PDZD2: variants seen among roughly 807,000 people sequenced by gnomAD.
PDZD2 encodes the protein PDZ domain-containing protein 2.
In PDZD2, 90 loss-of-function variants were observed where a neutral mutation model predicts 220.7. That is an observed-to-expected ratio of 0.41 (90% CI 0.34 to 0.49). The LOEUF (loss-of-function observed/expected upper bound fraction) is 0.49. Ranked by LOEUF, PDZD2 falls within the 20% of genes least tolerant of loss-of-function variation. The probability of loss-of-function intolerance (pLI) is 0.28; values close to 1 mark genes in which losing one functional copy is unlikely to be tolerated. For synonymous variants in PDZD2, 1,375 were observed against 1,450.5 expected (o/e 0.95, Z 1.18); for missense variants, 3,174 against 3,608.5 (o/e 0.88, Z 3.08).
Position 31,883,023 on chromosome 5 carries a change from C to CAAAAAAAAA in PDZD2, c.476+83316_476+83324dup, listed in dbSNP as rs781370177. Among the ~76,000 whole-genome samples the CAAAAAAAAA allele has an allele frequency of 2.1e-4, 10 of 47,960 alleles. 1 individual carries two copies. The highest frequency in any genetic ancestry group is 7.6e-4 in the African/African-American group (10 of 13,206). The allele number at this position is 47,960 out of a possible 152,430, so 31.5% of individuals were successfully genotyped here. On this transcript the variant is annotated intron_variant, in intron 2 of 24. Transcript: ENST00000438447. ...CCATCCTGGGTGACAGACTCTGTCT[C>CAAAAAAAAA]AAAAAAAAAAAAAAAAAAAAAAAAA...
intron 2 of PDZD2, among the ~76,000 whole-genome samples, chr5:31,963,899 A>G (rs889581613): frequency 6.6e-6 from 1 of 152,114 alleles, no homozygotes; most frequent in Non-Finnish European, 1.5e-5. Flanking sequence ...TCTCAATGCC[A>G]TGATGTAGGC....
intron 2 of PDZD2, among the ~76,000 whole-genome samples, chr5:31,801,510 C>G (rs1313341671): frequency 2.6e-5 from 4 of 152,104 alleles, no homozygotes; most frequent in African/African-American, 9.7e-5. Context: ...GAGCCCCTAC[C>G]GTTTGCAGCT....
intron 1 of PDZD2, among the ~76,000 whole-genome samples, chr5:31,791,070 A>G (rs1363070761): frequency 1.3e-5 from 2 of 152,110 alleles, no homozygotes; most frequent in East Asian, 3.9e-4. Context: ...TCTGCTGGGT[A>G]ATCACATTTT....
At chr5:31,811,553 G>A (rs115466558) in intron 2 of PDZD2, among the ~76,000 whole-genome samples, 1,811 of 152,306 alleles carry the variant, frequency 0.012, 27 homozygotes, top group African/African-American at 0.039. Flanking sequence ...CAGCCCTTAG[G>A]CTGGACTATA....
intron 2 of PDZD2, among the ~76,000 whole-genome samples, chr5:31,838,868 A>T (rs1757102052): frequency 6.6e-6 from 1 of 152,154 alleles, no homozygotes; most frequent in African/African-American, 2.4e-5. Context: ...CCTCCACATC[A>T]ATCCTGTTGT....
chr5:31,916,849 G>C (rs999027273), intron 2 of PDZD2, among the ~76,000 whole-genome samples: 4 of 152,200 alleles, frequency 2.6e-5, no homozygotes, highest in African/African-American at 4.8e-5. Context: ...TCACTTGAGT[G>C]AGTGTGAGCC....
intron 2 of PDZD2, among the ~76,000 whole-genome samples, chr5:31,921,701 T>G (rs1213112398): frequency 3.3e-5 from 5 of 151,528 alleles, no homozygotes; most frequent in Admixed American, 6.6e-5. Flanking sequence ...AAAAAAAAAT[T>G]TTTTTTTTGA....
chr5:32,061,600 A>C (rs1739695138), intron 14 of PDZD2, among the ~76,000 whole-genome samples: 1 of 152,202 alleles, frequency 6.6e-6, no homozygotes, highest in Non-Finnish European at 1.5e-5. Context: ...AGTTTCAGTG[A>C]ATTTTAAACT....
chr5:31,807,453 T>C (rs1754806017), intron 2 of PDZD2, among the ~76,000 whole-genome samples: 1 of 152,150 alleles, frequency 6.6e-6, no homozygotes, highest in African/African-American at 2.4e-5. Flanking sequence ...ATGGTAGCTG[T>C]TCAGCCAGAG....
chr5:31,967,405 G>A (rs1250972103), intron 2 of PDZD2, among the ~76,000 whole-genome samples: 5 of 152,252 alleles, frequency 3.3e-5, no homozygotes, highest in East Asian at 3.9e-4. Context: ...TTACTGGCCC[G>A]TTGTGACCTG....
intron 2 of PDZD2, among the ~76,000 whole-genome samples, chr5:31,901,552 C>T (rs6863437): frequency 0.62 from 94,160 of 152,020 alleles, 30,117 homozygotes; most frequent in Middle Eastern, 0.74. Flanking sequence ...ACATACACTG[C>T]TGGGGAGTCC....
intron 2 of PDZD2, among the ~76,000 whole-genome samples, chr5:31,803,408 C>T (rs964147133): frequency 8.6e-5 from 13 of 151,636 alleles, no homozygotes; most frequent in Admixed American, 7.9e-4. Context: ...CATGGGGCTC[C>T]ATAGGCTTTA....
At chr5:31,722,071 C>T (rs748084266) in intron 1 of PDZD2, among the ~76,000 whole-genome samples, 50 of 152,296 alleles carry the variant, frequency 3.3e-4, no homozygotes, top group Middle Eastern at 6.8e-3. Context: ...TGCACTGCTT[C>T]CATCCCCAAG....
At chr5:31,694,348 C>T (rs1303579225) in intron 1 of PDZD2, among the ~76,000 whole-genome samples, 5 of 151,996 alleles carry the variant, frequency 3.3e-5, no homozygotes, top group Non-Finnish European at 5.9e-5. Context: ...GCCAAGATTG[C>T]GTCACTGTAC....
intron 1 of PDZD2, among the ~76,000 whole-genome samples, chr5:31,751,537 G>A (rs16901518): frequency 0.032 from 4,895 of 152,204 alleles, 255 homozygotes; most frequent in African/African-American, 0.11. Context: ...CAGGAATTGC[G>A]TGGAAAGATG....
intron 1 of PDZD2, among the ~76,000 whole-genome samples, chr5:31,648,123 T>G (rs1018768507): frequency 2.0e-5 from 3 of 152,212 alleles, no homozygotes; most frequent in Admixed American, 2.0e-4. Context: ...GCTCTTGACC[T>G]GGGACTCGTC....
chr5:31,830,834 C>A (rs933540910), intron 2 of PDZD2, among the ~76,000 whole-genome samples: 2 of 152,178 alleles, frequency 1.3e-5, no homozygotes, highest in African/African-American at 2.4e-5. Flanking sequence ...TTGGGAGAAG[C>A]CTTATCCTGC....
At chr5:32,029,329 T>TAAAAAAAAAAAAAAAAAAAAAAAAAAA (rs34025632) in intron 6 of PDZD2, among the ~76,000 whole-genome samples, 1 of 65,834 alleles carries the variant, frequency 1.5e-5, no homozygotes, top group African/African-American at 5.9e-5. Flanking sequence ...TCAAGAACTG[T>TAAAAAAAAAAAAAAAAAAAAAAAAAAA]AAAAAAAAAA....
intron 1 of PDZD2, among the ~76,000 whole-genome samples, chr5:31,753,274 A>C (rs1260817079): frequency 1.3e-5 from 2 of 152,238 alleles, no homozygotes; most frequent in African/African-American, 2.4e-5. Flanking sequence ...GATGAGGGGC[A>C]CGGATGCAGG....
Sources: gnomAD v4.1 joint callset for allele counts (sites outside exome capture counted in the v4.1 genomes callset) on GRCh38, gnomAD v4.1.1 for gene constraint, MANE v1.5 for transcripts, NCBI Gene and HGNC (gene_info 2026-07-23, HGNC 2026-07-21) for gene names.